C2orf74: variants seen among roughly 807,000 people sequenced by gnomAD.
C2orf74 encodes DPM1 ER membrane anchor 1, also known as uncharacterized protein C2orf74.
In C2orf74, 14 loss-of-function variants were observed where a neutral mutation model predicts 17.9. The observed-to-expected ratio is 0.78, with a 90% CI of 0.52 to 1.22. C2orf74 has a LOEUF of 1.22. Ranked by LOEUF, C2orf74 falls within the 50% of genes most tolerant of loss-of-function variation. The probability of loss-of-function intolerance (pLI) is 0.00; values close to 1 mark genes in which losing one functional copy is unlikely to be tolerated. For missense variants in C2orf74, 217 were observed against 218.4 expected, an observed-to-expected ratio of 0.99 and a Z score of 0.04; for synonymous variants, 79 against 72.6, an observed-to-expected ratio of 1.09 and a Z score of -0.44.
intron 1 of C2orf74, among the ~76,000 whole-genome samples, chr2:61,146,003 A>C (rs1685058960): frequency 1.3e-5 from 2 of 152,228 alleles, no homozygotes; most frequent in East Asian, 3.8e-4. Flanking sequence ...ACCACACTGA[A>C]TAATATTTGC....
intron 1 of C2orf74, among the ~76,000 whole-genome samples, chr2:61,150,941 G>A (rs1277240994): frequency 6.6e-6 from 1 of 152,112 alleles, no homozygotes; most frequent in African/African-American, 2.4e-5. Context: ...TCATATCAAA[G>A]GGATGCCACA....
intron 1 of C2orf74, among the ~76,000 whole-genome samples, chr2:61,151,051 C>A (rs1617806): frequency 0.42 from 63,327 of 151,872 alleles, 13,439 homozygotes; most frequent in Middle Eastern, 0.5. Flanking sequence ...GGTGCAGTGG[C>A]TCACGCCTGT....
chr2:61,160,736 C>T (rs1177305), upstream of C2orf74, among the ~76,000 whole-genome samples: 66,341 of 151,798 alleles, frequency 0.44, 14,711 homozygotes, highest in Middle Eastern at 0.51. Flanking sequence ...GTGATCCACC[C>T]GCCTCAGCCT....
Position 61,162,910 on chromosome 2 carries a change from G to A in C2orf74, c.164G>A (p.Cys55Tyr). The change falls in exon 3 of 5, where the codon TGT (cysteine) becomes TAT (tyrosine). Residue 55 changes from cysteine (C) to tyrosine (Y), a missense_variant. Coordinates refer to ENST00000432605, the MANE Select transcript of C2orf74 (RefSeq NM_001143959.4). ...PCTDANGGVD[C>Y]AAAKVVTSNP... ...ACAGATGCAAACGGAGGTGTAGACTGTGCAGCTGCCAAAGTGGTGACAAGC... is the reference window on the plus strand; with the variant it reads ...ACAGATGCAAACGGAGGTGTAGACTATGCAGCTGCCAAAGTGGTGACAAGC... 1.9e-6 allele frequency: 3 copies of A among 1,552,520 alleles called. No homozygotes were observed. The highest frequency in any genetic ancestry group is 2.6e-6 in the Non-Finnish European group (3 of 1,147,156).
chr2:61,163,125 G>T lies in C2orf74; in HGVS notation c.283G>T (p.Val95Leu), dbSNP rs544072959. 2.6e-6 allele frequency: 4 copies of T among 1,552,236 alleles called. No individual in the cohort carries two copies. In the African/African-American group the frequency reaches 5.5e-5, roughly 21 times the overall value. Residue 95 changes from valine (V) to leucine (L), a missense_variant, in exon 4 of 5, where the codon GTG (valine) becomes TTG (leucine). Transcript: ENST00000432605. ...GILVQRQSKEVLATPLENRRD... is the reference protein window; with the variant it reads ...GILVQRQSKELLATPLENRRD... Reference sequence around the variant, plus strand: ...TCTTGTCCAGAGACAGAGTAAGGAAGTGTTGGCCACACCCTTAGAAAACAG... The same window carrying T: ...TCTTGTCCAGAGACAGAGTAAGGAATTGTTGGCCACACCCTTAGAAAACAG...
At chr2:61,157,660 G>A (rs1255487520), upstream of C2orf74, among the ~76,000 whole-genome samples, 11 of 152,062 alleles carry the variant, frequency 7.2e-5, no homozygotes, top group Admixed American at 3.9e-4. Flanking sequence ...TTCCATGCTG[G>A]AAGTTCCTGC....
rs1447256487 is a variant in C2orf74 at position 61,163,065 on chromosome 2, G to A, written c.223G>A (p.Val75Ile). The A allele has an allele frequency of 1.9e-6, 3 of 1,552,050 alleles. No individual in the cohort carries two copies. Among genetic ancestry groups the A allele is most frequent in the Non-Finnish European group, 1.7e-6 (2 of 1,147,074 alleles). ...TTAATTTTCTAGGATCTTAATGCAA[G>A]TCATGAACTTGAATGTGCCGATGAG... ...PEDHERILMQ[V>I]MNLNVPMRPG... Residue 75 changes from valine to isoleucine, a missense_variant, in exon 4 of 5, where the codon GTC becomes ATC. Physicochemically the swap from Val to Ile is conservative, Grantham distance 29. Transcript: ENST00000432605.
chr2:61,153,060 G>A (rs1363942791), intron 1 of C2orf74, among the ~76,000 whole-genome samples: 1 of 149,446 alleles, frequency 6.7e-6, no homozygotes, highest in African/African-American at 2.5e-5. Flanking sequence ...GCTGAGGCAG[G>A]AGAATTGCTT....
intron 2 of C2orf74, 58 bp downstream of exon 2, chr2:61,162,667 T>C: frequency 8.8e-7 from 1 of 1,133,268 alleles, no homozygotes; most frequent in South Asian, 1.4e-5. Context: ...CAAATGTGTA[T>C]AGAAATAATG....
chr2:61,148,236 G>A (rs1419334390), intron 1 of C2orf74, among the ~76,000 whole-genome samples: 2 of 150,706 alleles, frequency 1.3e-5, no homozygotes, highest in Non-Finnish European at 3.0e-5. Flanking sequence ...GCCCAAGCTG[G>A]AGTGCAATGG....
intron 1 of C2orf74, among the ~76,000 whole-genome samples, chr2:61,157,139 C>T (rs1685415923): frequency 6.6e-6 from 1 of 152,212 alleles, no homozygotes; most frequent in African/African-American, 2.4e-5. Flanking sequence ...CTCCTGGGTT[C>T]AAGCGAGTCT....
At position 61,164,553 on chromosome 2, in the gene C2orf74, G is replaced by A. The variant is rs1685673941; in HGVS notation, c.*26G>A. The A allele has an allele frequency of 3.4e-6, 5 of 1,459,652 alleles. No homozygotes were observed. Among genetic ancestry groups the A allele is most frequent in the Non-Finnish European group, 4.5e-6 (5 of 1,101,964 alleles). 90.4% of individuals were successfully genotyped at this position (1,459,652 alleles called of 1,614,324 possible). ...AGCTCAAAAAAGGGTAAGAGTGAAA[G>A]AAAATGTAACGTTTGACTAACGTTG... On this transcript the variant is annotated 3_prime_UTR_variant, in exon 5 of 5. Transcript: ENST00000432605.
At chr2:61,159,306 T>G (rs747381040), upstream of C2orf74, 15 of 409,822 alleles carry the variant, frequency 3.7e-5, no homozygotes, top group South Asian at 2.7e-4. Flanking sequence ...TTTTTTTTTT[T>G]CTTTTTTCAA....
At chr2:61,158,970 G>GT (rs895743333), upstream of C2orf74, among the ~76,000 whole-genome samples, 137 of 138,916 alleles carry the variant, frequency 9.9e-4, 1 homozygote, top group African/African-American at 3.0e-3. Flanking sequence ...CAAGAACCAA[G>GT]TTTTTTTTTG....
intron 1 of C2orf74, among the ~76,000 whole-genome samples, chr2:61,147,155 G>A (rs1193026081): frequency 6.6e-6 from 1 of 151,558 alleles, no homozygotes; most frequent in Non-Finnish European, 1.5e-5. Context: ...GGCAACAGAG[G>A]AAGACTCTCA....
At chr2:61,154,156 C>G (rs902410726) in intron 1 of C2orf74, among the ~76,000 whole-genome samples, 2 of 151,334 alleles carry the variant, frequency 1.3e-5, no homozygotes, top group Non-Finnish European at 2.9e-5. Context: ...ATCGCTTGAA[C>G]CTGGGAGGTG....
intron 1 of C2orf74, among the ~76,000 whole-genome samples, chr2:61,157,056 G>A (rs1451450695): frequency 6.6e-6 from 1 of 152,166 alleles, no homozygotes; most frequent in African/African-American, 2.4e-5. Flanking sequence ...ATTGATTTGA[G>A]ATGAAGTCTC....
chr2:61,162,347 C>T, intron 1 of C2orf74, 27 bp downstream of exon 1: 1 of 616,276 alleles, frequency 1.6e-6, no homozygotes, highest in South Asian at 2.1e-5. Flanking sequence ...ACAAGCAGAG[C>T]ATCTTTCATG....
chr2:61,161,720 G>A (rs536703064), upstream of C2orf74: 3 of 152,202 alleles, frequency 2.0e-5, no homozygotes, highest in Non-Finnish European at 4.4e-5. Context: ...TGGTATCAGG[G>A]TAATGCCAGC....
Sources: allele counts gnomAD v4.1 joint callset (sites outside exome capture counted in the v4.1 genomes callset), GRCh38; gene constraint gnomAD v4.1.1; transcripts MANE v1.5; gene names NCBI Gene and HGNC (gene_info 2026-07-23, HGNC 2026-07-21).